The following AUTS2 variants were observed in gnomAD, a reference collection of about 807,000 sequenced individuals.
AUTS2 encodes the protein autism susceptibility gene 2 protein.
AUTS2 carries 17 observed loss-of-function variants against 112.4 expected under a neutral mutation model. That is an observed-to-expected ratio of 0.15 (90% CI 0.10 to 0.23). The LOEUF is 0.23. Ranked by LOEUF, AUTS2 falls within the 10% of genes least tolerant of loss-of-function variation. AUTS2 has a pLI of 1.00. For missense variants in AUTS2, 1,510 were observed against 1,701.6 expected (o/e 0.89, Z 1.98); for synonymous variants, 751 against 702.7 (o/e 1.07, Z -1.09).
chr7:70,244,682 A>C (rs977040651), intron 4 of AUTS2, among the ~76,000 whole-genome samples: 4 of 152,182 alleles, frequency 2.6e-5, no homozygotes, highest in Non-Finnish European at 4.4e-5. Context: ...TTTTTGTTTC[A>C]ATGTGATTCT....
chr7:70,285,455 C>G (rs1468895868), intron 4 of AUTS2, among the ~76,000 whole-genome samples: 1 of 152,146 alleles, frequency 6.6e-6, no homozygotes, highest in Non-Finnish European at 1.5e-5. Flanking sequence ...CATAAATGGA[C>G]TCTTAGGCCT....
At chr7:70,681,359 GC>G (rs1439249297) in intron 5 of AUTS2, among the ~76,000 whole-genome samples, 2 of 152,056 alleles carry the variant, frequency 1.3e-5, no homozygotes, top group African/African-American at 4.8e-5. Flanking sequence ...TATTGATGCT[GC>G]CCCCACCCGC....
rs190119940 is a variant in AUTS2, at chr7:70,747,878, G to C, written c.743-14992G>C. Among the ~76,000 whole-genome samples the C allele has an allele frequency of 5.4e-4, 82 of 151,746 alleles. No homozygotes were observed. The East Asian group carries it at 0.015, about 28-fold the overall frequency. On this transcript the variant is annotated intron_variant, in intron 6 of 18. Transcript: ENST00000342771. ...GCTCTGTCGCCCAGGCTGGAGTGCA[G>C]TGGCGCGATCTCGGCTCACTGCAAG...
chr7:70,302,910 T>A (rs1789287356), intron 4 of AUTS2, among the ~76,000 whole-genome samples: 1 of 151,230 alleles, frequency 6.6e-6, no homozygotes, highest in African/African-American at 2.4e-5. Context: ...GATCTTCTTT[T>A]TTTTTTTTTT....
chr7:69,609,432 G>A (rs887850290), intron 1 of AUTS2, among the ~76,000 whole-genome samples: 1 of 152,086 alleles, frequency 6.6e-6, no homozygotes, highest in South Asian at 2.1e-4. Context: ...TACATTCATC[G>A]TTTTTAAACA....
chr7:70,554,485 G>C (rs774084207), intron 5 of AUTS2, among the ~76,000 whole-genome samples: 2 of 142,940 alleles, frequency 1.4e-5, no homozygotes, highest in Non-Finnish European at 3.0e-5. Context: ...CCTCAACTCT[G>C]GGATGGGCAT....
At chr7:70,333,454 C>T (rs539160794) in intron 4 of AUTS2, among the ~76,000 whole-genome samples, 85 of 152,108 alleles carry the variant, frequency 5.6e-4, no homozygotes, top group African/African-American at 1.9e-3. Flanking sequence ...ATCTTATTAC[C>T]GGATATATAC....
chr7:70,561,482 C>T (rs1801483742), intron 5 of AUTS2, among the ~76,000 whole-genome samples: 1 of 152,132 alleles, frequency 6.6e-6, no homozygotes, highest in Non-Finnish European at 1.5e-5. Context: ...TTTAATTAGC[C>T]TGGCATAGTG....
intron 2 of AUTS2, among the ~76,000 whole-genome samples, chr7:69,924,055 A>G (rs528874711): frequency 6.6e-6 from 1 of 152,350 alleles, no homozygotes; most frequent in African/African-American, 2.4e-5. Flanking sequence ...ATCTTTTGCC[A>G]TTAATTCTGA....
chr7:70,410,798 G>T (rs1214096326), intron 4 of AUTS2, among the ~76,000 whole-genome samples: 1 of 151,534 alleles, frequency 6.6e-6, no homozygotes, highest in Non-Finnish European at 1.5e-5. Flanking sequence ...ATATCAAATA[G>T]TCATCCCCTA....
intron 5 of AUTS2, among the ~76,000 whole-genome samples, chr7:70,439,832 C>T (rs532750423): frequency 9.2e-5 from 14 of 152,192 alleles, no homozygotes; most frequent in South Asian, 2.1e-4. Flanking sequence ...AGAAATATCC[C>T]GTTTGGTTAT....
intron 5 of AUTS2, among the ~76,000 whole-genome samples, chr7:70,512,775 T>C (rs1217341187): frequency 6.6e-6 from 1 of 151,978 alleles, no homozygotes; most frequent in African/African-American, 2.4e-5. Context: ...CCAGCAGAAG[T>C]GTCACCAGAG....
intron 1 of AUTS2, among the ~76,000 whole-genome samples, chr7:69,627,708 G>C (rs1794024133): frequency 6.6e-6 from 1 of 152,044 alleles, no homozygotes; most frequent in African/African-American, 2.4e-5. Context: ...TGCTTTTTGA[G>C]GTCACGGTGT....
At chr7:69,938,263 C>A (rs1488021760) in intron 2 of AUTS2, among the ~76,000 whole-genome samples, 4 of 152,158 alleles carry the variant, frequency 2.6e-5, no homozygotes, top group Non-Finnish European at 5.9e-5. Flanking sequence ...GTGCTGTCTC[C>A]TTCTGCAGCT....
chr7:70,098,257 T>C (rs1207654715), intron 2 of AUTS2, among the ~76,000 whole-genome samples: 1 of 152,244 alleles, frequency 6.6e-6, no homozygotes, highest in Admixed American at 6.5e-5. Flanking sequence ...TCAGTAGCTC[T>C]GGATTATCTA....
At chr7:70,662,943 C>G (rs1486671844) in intron 5 of AUTS2, among the ~76,000 whole-genome samples, 1 of 152,192 alleles carries the variant, frequency 6.6e-6, no homozygotes, top group African/African-American at 2.4e-5. Context: ...GTATTTTGCT[C>G]TTATTACTTG....
At chr7:70,391,688 TA>T (rs1480627435) in intron 4 of AUTS2, among the ~76,000 whole-genome samples, 1 of 151,550 alleles carries the variant, frequency 6.6e-6, no homozygotes, top group African/African-American at 2.4e-5. Context: ...ACAATAAAAA[TA>T]AAAAAATAAA....
At chr7:70,456,080 C>T (rs1796727366) in intron 5 of AUTS2, among the ~76,000 whole-genome samples, 1 of 152,174 alleles carries the variant, frequency 6.6e-6, no homozygotes, top group South Asian at 2.1e-4. Flanking sequence ...GATGTTTATG[C>T]ACAGGTTATA....
intron 5 of AUTS2, among the ~76,000 whole-genome samples, chr7:70,661,803 C>A (rs1388054454): frequency 6.6e-6 from 1 of 152,042 alleles, no homozygotes; most frequent in African/African-American, 2.4e-5. Flanking sequence ...GGCCTCTGCA[C>A]AGGCCCAGCA....
Sources: allele counts gnomAD v4.1 joint callset (sites outside exome capture counted in the v4.1 genomes callset), GRCh38; gene constraint gnomAD v4.1.1; transcripts MANE v1.5; gene names NCBI Gene and HGNC (gene_info 2026-07-23, HGNC 2026-07-21).